NRXN1: variants seen among roughly 807,000 people sequenced by gnomAD.
The protein encoded by NRXN1 is neurexin 1, also known as neurexin-1.
A neutral mutation model predicts 150.9 loss-of-function variants in NRXN1; 39 were observed. That is an observed-to-expected ratio of 0.26 (90% CI 0.20 to 0.34). NRXN1 has a LOEUF of 0.34. NRXN1 is among the 10% of genes least tolerant of loss of function. The pLI is 1.00. For missense variants in NRXN1, 1,815 were observed against 1,949.9 expected (o/e 0.93, Z 1.30); for synonymous variants, 924 against 757.0 (o/e 1.22, Z -3.62).
chr2:50,537,637 G>A (rs760083600), intron 10 of NRXN1, among the ~76,000 whole-genome samples: 3 of 152,188 alleles, frequency 2.0e-5, no homozygotes, highest in Non-Finnish European at 2.9e-5. Context: ...ATTGGTAAAT[G>A]AATCCTCTGC....
chr2:50,679,063 T>C (rs1002095851), intron 5 of NRXN1, among the ~76,000 whole-genome samples: 21 of 152,060 alleles, frequency 1.4e-4, no homozygotes, highest in African/African-American at 4.6e-4. Context: ...TCTTGGGGCA[T>C]GTACAGGCAC....
chr2:50,844,046 C>T (rs72838772), intron 5 of NRXN1, among the ~76,000 whole-genome samples: 11,128 of 152,190 alleles, frequency 0.073, 519 homozygotes, highest in Middle Eastern at 0.14. Context: ...AGCAATGTGT[C>T]GTGAGAAACA....
intron 22 of NRXN1, among the ~76,000 whole-genome samples, chr2:49,927,106 C>T (rs1029045366): frequency 6.6e-6 from 1 of 152,186 alleles, no homozygotes; most frequent in Non-Finnish European, 1.5e-5. Context: ...TAGCATATTA[C>T]TCAGGAAGGT....
At chr2:50,303,587 C>T (rs2074357751) in intron 17 of NRXN1, among the ~76,000 whole-genome samples, 1 of 152,108 alleles carries the variant, frequency 6.6e-6, no homozygotes, top group Non-Finnish European at 1.5e-5. Context: ...TCCCTAAACA[C>T]TCTGTGTTAT....
intron 17 of NRXN1, among the ~76,000 whole-genome samples, chr2:50,334,209 A>ATATGTATG (rs57342694): frequency 4.0e-4 from 49 of 121,162 alleles, no homozygotes; most frequent in African/African-American, 1.8e-3. Flanking sequence ...ATATATATAT[A>ATATGTATG]TATGTATGTA....
chr2:50,589,980 A>G (rs974834154), intron 8 of NRXN1, among the ~76,000 whole-genome samples: 1 of 152,214 alleles, frequency 6.6e-6, no homozygotes, highest in Non-Finnish European at 1.5e-5. Context: ...CAGATTTTTC[A>G]TAAGTATCTG....
chr2:51,029,608 T>C (rs1021517454), intron 1 of NRXN1, among the ~76,000 whole-genome samples: 4 of 152,258 alleles, frequency 2.6e-5, no homozygotes, highest in Non-Finnish European at 5.9e-5. Flanking sequence ...TTAAGAGATT[T>C]TACAATTGGC....
chr2:50,214,992 A>C (rs963409012), intron 18 of NRXN1, among the ~76,000 whole-genome samples: 2 of 152,052 alleles, frequency 1.3e-5, no homozygotes, highest in African/African-American at 4.8e-5. Flanking sequence ...TTGCAGCCAC[A>C]TTATTACCTG....
chr2:50,533,318 A>G lies in NRXN1; in HGVS notation c.2144-1888T>C, dbSNP rs561244237. Reference sequence around the variant, plus strand: ...CCTATTGGAAATTTTCAATTGGAATATGAAATTTCAATTGGAATATTTCAA... The same window carrying G: ...CCTATTGGAAATTTTCAATTGGAATGTGAAATTTCAATTGGAATATTTCAA... On this transcript the variant is annotated intron_variant, in intron 10 of 22. Coordinates refer to ENST00000401669, the MANE Select transcript of NRXN1 (RefSeq NM_001330078.2). Among the ~76,000 whole-genome samples the G allele has an allele frequency of 4.5e-4, 69 of 152,292 alleles. No individual in the cohort carries two copies. In the South Asian group the frequency reaches 0.013, roughly 30 times the overall value.
chr2:50,598,622 A>C (rs6757950), intron 8 of NRXN1, among the ~76,000 whole-genome samples: 1 of 146,272 alleles, frequency 6.8e-6, no homozygotes, highest in Admixed American at 6.9e-5. Flanking sequence ...ATATATATAC[A>C]TGTATATATG....
chr2:50,219,986 T>TATA (rs2063746556), intron 18 of NRXN1, among the ~76,000 whole-genome samples: 1 of 25,534 alleles, frequency 3.9e-5, no homozygotes, highest in African/African-American at 4.8e-4. Flanking sequence ...ATATATATAT[T>TATA]ATATATAATA....
intron 21 of NRXN1, among the ~76,000 whole-genome samples, chr2:49,997,024 G>A (rs1029221711): frequency 2.0e-5 from 3 of 151,850 alleles, no homozygotes; most frequent in African/African-American, 4.8e-5. Flanking sequence ...TGTCTGCTTC[G>A]TTTGAGTTAT....
At chr2:50,837,149 T>C (rs142163724) in intron 5 of NRXN1, among the ~76,000 whole-genome samples, 1,561 of 152,276 alleles carry the variant, frequency 0.01, 15 homozygotes, top group Non-Finnish European at 0.016. Flanking sequence ...GTGTTAACTT[T>C]TTATGTAATT....
At chr2:50,233,066 T>TTAAA (rs1464752037) in intron 18 of NRXN1, among the ~76,000 whole-genome samples, 2 of 118,304 alleles carry the variant, frequency 1.7e-5, no homozygotes, top group Admixed American at 1.7e-4. Flanking sequence ...TACTTGACTG[T>TTAAA]TAAATAATTG....
intron 5 of NRXN1, among the ~76,000 whole-genome samples, chr2:50,653,555 T>C (rs1685947599): frequency 1.3e-5 from 2 of 152,088 alleles, no homozygotes; most frequent in South Asian, 4.1e-4. Context: ...AAATTATTTA[T>C]GGAGGCAGTT....
At chr2:50,252,399 CA>C (rs1295906653) in intron 17 of NRXN1, among the ~76,000 whole-genome samples, 1 of 151,308 alleles carries the variant, frequency 6.6e-6, no homozygotes, top group Non-Finnish European at 1.5e-5. Flanking sequence ...ACTGGGAATA[CA>C]GGCATGTGCC....
At chr2:50,393,125 T>C (rs2081841944) in intron 17 of NRXN1, among the ~76,000 whole-genome samples, 1 of 151,530 alleles carries the variant, frequency 6.6e-6, no homozygotes, top group Non-Finnish European at 1.5e-5. Flanking sequence ...CCAGATGTTA[T>C]CAATTTCTAG....
chr2:50,996,855 T>C (rs1699374644), intron 2 of NRXN1, among the ~76,000 whole-genome samples: 1 of 152,070 alleles, frequency 6.6e-6, no homozygotes, highest in Non-Finnish European at 1.5e-5. Flanking sequence ...ATTAGGATTC[T>C]TCACATGGCG....
intron 2 of NRXN1, chr2:50,964,002 G>T: frequency 2.3e-6 from 1 of 437,126 alleles, no homozygotes; most frequent in Non-Finnish European, 4.6e-6. Context: ...GAAAAATAGA[G>T]CAACATGCTA....
Sources: gnomAD v4.1 joint callset for allele counts (sites outside exome capture counted in the v4.1 genomes callset) on GRCh38, gnomAD v4.1.1 for gene constraint, MANE v1.5 for transcripts, NCBI Gene and HGNC (gene_info 2026-07-23, HGNC 2026-07-21) for gene names.